MSI2: variants seen among roughly 807,000 people sequenced by gnomAD.
MSI2 encodes RNA-binding protein Musashi homolog 2.
In MSI2, 17 loss-of-function variants were observed where a neutral mutation model predicts 45.6. The observed-to-expected ratio is 0.37, with a 90% confidence interval of 0.26 to 0.56. MSI2 has a LOEUF of 0.56. MSI2 is among the 20% of genes least tolerant of loss of function. The pLI, the probability that MSI2 is intolerant of heterozygous loss-of-function variation, is 0.77. For missense variants in MSI2, 293 were observed against 444.2 expected (o/e 0.66, Z 3.06); for synonymous variants, 156 against 158.2 (o/e 0.99, Z 0.11).
chr17:57,380,973 C>T (rs1175192250), intron 5 of MSI2, among the ~76,000 whole-genome samples: 1 of 152,124 alleles, frequency 6.6e-6, no homozygotes, highest in African/African-American at 2.4e-5. Context: ...TCCCCTGACC[C>T]CCATCTTACA....
chr17:57,368,197 C>T, intron 5 of MSI2, among the ~76,000 whole-genome samples: 1 of 152,126 alleles, frequency 6.6e-6, no homozygotes, highest in East Asian at 1.9e-4. Context: ...GCTACATGAC[C>T]TCTGTTGACA....
intron 10 of MSI2, chr17:57,632,639 A>G: frequency 9.4e-7 from 1 of 1,066,158 alleles, no homozygotes. Context: ...ACTCCTGCCC[A>G]TCACCCTTAG....
At chr17:57,403,967 G>A (rs1389305598) in intron 6 of MSI2, among the ~76,000 whole-genome samples, 2 of 151,652 alleles carry the variant, frequency 1.3e-5, no homozygotes, top group African/African-American at 4.9e-5. Context: ...ACACACACTT[G>A]CATGAAGTAT....
intron 7 of MSI2, among the ~76,000 whole-genome samples, chr17:57,535,649 G>A (rs1043289075): frequency 6.6e-6 from 1 of 152,226 alleles, no homozygotes; most frequent in Non-Finnish European, 1.5e-5. Context: ...GAGCCCCAGC[G>A]AGCACCATCA....
intron 6 of MSI2, among the ~76,000 whole-genome samples, chr17:57,471,543 A>G (rs2085437731): frequency 6.6e-6 from 1 of 152,120 alleles, no homozygotes; most frequent in South Asian, 2.1e-4. Flanking sequence ...TCGTACTCAC[A>G]GGTGACCTGT....
At chr17:57,267,255 G>C (rs1252119002) in intron 5 of MSI2, 1 of 152,310 alleles carries the variant, frequency 6.6e-6, no homozygotes, top group East Asian at 1.9e-4. Flanking sequence ...GGGAGGATTA[G>C]TGGCTTAGCT....
chr17:57,662,869 A>T (rs1210320933), intron 11 of MSI2, among the ~76,000 whole-genome samples: 1 of 152,242 alleles, frequency 6.6e-6, no homozygotes, highest in Non-Finnish European at 1.5e-5. Context: ...AATGTCAGAC[A>T]AAGGAGGCCG....
In MSI2 at chr17:57,682,027, G is replaced by A. The variant is rs1913636626; in HGVS notation, c.*2510G>A. On this transcript the variant is annotated 3_prime_UTR_variant, in exon 14 of 14. Transcript: ENST00000284073. ...GCTATCTTGTAAGCGTGCTGTCCTG[G>A]TACTAGTGTAGCGACTTTTTTTCTC... is the stretch of plus-strand genomic sequence containing the variant. 1.4e-5 allele frequency: 3 copies of A among 207,832 alleles called. No individual in the cohort carries two copies. The highest frequency in any genetic ancestry group is 2.9e-5 in the Non-Finnish European group (3 of 102,296). 12.9% of individuals were successfully genotyped at this position (207,832 alleles called of 1,614,324 possible).
At chr17:57,508,168 C>A (rs1052456467) in intron 6 of MSI2, among the ~76,000 whole-genome samples, 3 of 152,322 alleles carry the variant, frequency 2.0e-5, no homozygotes, top group Non-Finnish European at 2.9e-5. Flanking sequence ...CTGAGTGCTT[C>A]GTCACCCATT....
At chr17:57,376,294 C>T (rs544224682) in intron 5 of MSI2, among the ~76,000 whole-genome samples, 30 of 152,146 alleles carry the variant, frequency 2.0e-4, no homozygotes, top group Non-Finnish European at 4.0e-4. Flanking sequence ...GATGAGGAAA[C>T]GAAGGCTCAA....
intron 11 of MSI2, among the ~76,000 whole-genome samples, chr17:57,668,366 A>G (rs1364878952): frequency 1.3e-5 from 2 of 152,084 alleles, no homozygotes; most frequent in African/African-American, 4.8e-5. Context: ...GGGGAGTGTG[A>G]CTTGACCAGA....
intron 5 of MSI2, among the ~76,000 whole-genome samples, chr17:57,281,294 C>T (rs777905591): frequency 1.4e-4 from 22 of 152,180 alleles, no homozygotes; most frequent in Non-Finnish European, 2.9e-4. Flanking sequence ...GATATAGTGT[C>T]AGTTCTCAGC....
intron 6 of MSI2, among the ~76,000 whole-genome samples, chr17:57,458,878 G>A (rs543923804): frequency 5.6e-4 from 86 of 152,328 alleles, no homozygotes; most frequent in African/African-American, 2.0e-3. Flanking sequence ...GCCTGTCCCT[G>A]CTCCGCGGTT....
intron 7 of MSI2, among the ~76,000 whole-genome samples, chr17:57,584,478 CT>C (rs979159349): frequency 5.3e-5 from 8 of 152,178 alleles, no homozygotes; most frequent in African/African-American, 1.9e-4. Context: ...AATGACCCCC[CT>C]GTGGGGGGCG....
rs181586129 is a variant in MSI2, at chr17:57,409,835, T to C, written c.405+8364T>C. 1.8e-3 allele frequency among the ~76,000 whole-genome samples: 274 copies of C among 151,956 alleles called. 2 individuals are homozygous for C. Among genetic ancestry groups the C allele is most frequent in the East Asian group, 8.9e-3 (46 of 5,148 alleles). On this transcript the variant is annotated intron_variant, in intron 6 of 13. Coordinates refer to ENST00000284073, the MANE Select transcript of MSI2 (RefSeq NM_138962.4). The stretch of plus-strand genomic sequence containing the variant: ...CAGCCTGGCCAACATGGTGAAACCC[T>C]GTCTCTACTAAAAATACAAAAAATT...
At chr17:57,645,447 T>C (rs9900584) in intron 10 of MSI2, among the ~76,000 whole-genome samples, 16,499 of 151,934 alleles carry the variant, frequency 0.11, 1,049 homozygotes, top group African/African-American at 0.17. Context: ...TTTGGTTTTT[T>C]TTTTTTGAGA....
At chr17:57,669,947 A>T (rs1912661687) in intron 11 of MSI2, among the ~76,000 whole-genome samples, 1 of 152,210 alleles carries the variant, frequency 6.6e-6, no homozygotes, top group Non-Finnish European at 1.5e-5. Flanking sequence ...AAAGCAGATG[A>T]CTGAAATTGT....
intron 5 of MSI2, among the ~76,000 whole-genome samples, chr17:57,340,605 G>T (rs1035623764): frequency 1.3e-5 from 2 of 152,186 alleles, no homozygotes; most frequent in African/African-American, 2.4e-5. Flanking sequence ...CATCATTGTG[G>T]CTGAGTCATT....
rs1024819 is a variant in MSI2 at position 57,529,910 on chromosome 17, C to T, written c.454+186C>T. Reference sequence around the variant, plus strand: ...CACAAAGAGTTCCAGTACTGGATAGCTGAAAAACCATTTCCTTCTGGCCTA... The same window carrying T: ...CACAAAGAGTTCCAGTACTGGATAGTTGAAAAACCATTTCCTTCTGGCCTA... On this transcript the variant is annotated intron_variant, in intron 7 of 13. Coordinates refer to ENST00000284073, the MANE Select transcript of MSI2 (RefSeq NM_138962.4). This position sits in a 1 kb window ranked among gnomAD's most constrained non-coding sequence, Gnocchi z 5.3. 0.45 allele frequency among the ~76,000 whole-genome samples: 67,798 copies of T among 151,906 alleles called. 16,624 individuals carry two copies. The highest frequency in any genetic ancestry group is 0.66 in the East Asian group (3,396 of 5,138).
Sources: gnomAD v4.1 joint callset for allele counts (sites outside exome capture counted in the v4.1 genomes callset) on GRCh38, gnomAD v4.1.1 for gene constraint, Gnocchi (gnomAD v3.1) non-coding constraint, MANE v1.5 for transcripts, NCBI Gene and HGNC (gene_info 2026-07-23, HGNC 2026-07-21) for gene names.